Variants in NID1 observed in about 807,000 individuals in gnomAD.
NID1 encodes nidogen 1.
Under a neutral mutation model 130.6 loss-of-function variants are expected in NID1, and 76 were observed. That is an observed-to-expected ratio of 0.58 (90% CI 0.48 to 0.70). The LOEUF is 0.70. Among genes scored for constraint, NID1 ranks in the 30% least tolerant of loss-of-function variants. The probability of loss-of-function intolerance (pLI) is 0.00; values close to 1 mark genes in which losing one functional copy is unlikely to be tolerated. For missense variants in NID1, 1,517 were observed against 1,664.8 expected (o/e 0.91, Z 1.54); for synonymous variants, 665 against 675.1 (o/e 0.98, Z 0.23).
In NID1 at chr1:236,004,678, T is replaced by C. The variant is rs926516000; in HGVS notation, c.2527+7243A>G. On this transcript the variant is annotated intron_variant, in intron 12 of 19. Coordinates refer to ENST00000264187, the MANE Select transcript of NID1 (RefSeq NM_002508.3). ...TCGGGAGGCTAAGGCAGGAGAATGGTGTGAACCCGGGAGGCGGAGCTTGCA... is the reference window on the plus strand; with the variant it reads ...TCGGGAGGCTAAGGCAGGAGAATGGCGTGAACCCGGGAGGCGGAGCTTGCA... Among the ~76,000 whole-genome samples the C allele has an allele frequency of 3.5e-4, 49 of 140,198 alleles. 1 individual carries two copies. The highest frequency in any genetic ancestry group is 9.6e-4 in the African/African-American group (36 of 37,446). The allele number at this position is 140,198 out of a possible 152,430, so 92.0% of individuals were successfully genotyped here. A position where few individuals can be genotyped will look rare whatever the true frequency, so the allele number is the denominator to read the frequency against.
chr1:236,012,525 T>C (rs1658458939), intron 11 of NID1, among the ~76,000 whole-genome samples: 1 of 129,420 alleles, frequency 7.7e-6, no homozygotes, highest in Admixed American at 9.6e-5. Flanking sequence ...GCCATTGCAC[T>C]CCAGCTTGGG....
At chr1:236,029,827 AGT>A in intron 6 of NID1, 77 bp from the exon 7 acceptor site, 4 of 1,446,014 alleles carry the variant, frequency 2.8e-6, no homozygotes, top group Middle Eastern at 1.9e-4. Flanking sequence ...CACAGTGTGG[AGT>A]GGGGTTGGTG....
At chr1:236,026,347 A>G (rs921287674) in intron 7 of NID1, among the ~76,000 whole-genome samples, 4 of 152,216 alleles carry the variant, frequency 2.6e-5, no homozygotes, top group African/African-American at 9.6e-5. Context: ...GATTCCCCAT[A>G]TGATCATTGG....
At chr1:235,988,589 A>G (rs1657636281) in intron 14 of NID1, among the ~76,000 whole-genome samples, 3 of 152,352 alleles carry the variant, frequency 2.0e-5, no homozygotes, top group Non-Finnish European at 4.4e-5. Flanking sequence ...CCATGTTCAT[A>G]GCAGCATTAT....
chr1:235,991,116 C>CAT, intron 13 of NID1, 58 bp from the exon 14 acceptor site: 1 of 1,235,674 alleles, frequency 8.1e-7, no homozygotes, highest in Non-Finnish European at 1.1e-6. Context: ...CACACAGATG[C>CAT]ACACACACAC....
chr1:236,043,666 T>C lies in NID1; in HGVS notation c.753-1374A>G, dbSNP rs577080292. Among the ~76,000 whole-genome samples the C allele has an allele frequency of 3.4e-3, 521 of 152,120 alleles. 4 individuals are homozygous for C. Among genetic ancestry groups the C allele is most frequent in the Non-Finnish European group, 5.0e-3 (341 of 67,984 alleles). ...ACAAAAAATTAGCTGGGCGTGGTGGTGGGCGCCTGTAGTCCCAGCTGCTCG... is the reference window on the plus strand; with the variant it reads ...ACAAAAAATTAGCTGGGCGTGGTGGCGGGCGCCTGTAGTCCCAGCTGCTCG... On this transcript the variant is annotated intron_variant, in intron 3 of 19. Coordinates refer to ENST00000264187, the MANE Select transcript of NID1 (RefSeq NM_002508.3).
Position 236,042,282 on chromosome 1 carries a change from A to C in NID1, c.763T>G (p.Ser255Ala). 6.2e-7 allele frequency: 1 copy of C among 1,602,740 alleles called. No homozygotes were observed. The highest frequency in any genetic ancestry group is 8.5e-7 in the Non-Finnish European group (1 of 1,179,714). The change falls in exon 4 of 20, where the codon TCT becomes GCT. Residue 255 changes from serine to alanine, a missense_variant. Physicochemically the swap from Ser to Ala is moderately conservative, Grantham distance 99. Transcript: ENST00000264187. ...SVENLAKSSN[S>A]GQQGVWVFEI... ...AACACCCAGACACCCTGCTGCCCAG[A>C]GTTACTACTCCTAGGAGGAAGGACA...
rs2071529 is a variant in NID1 at position 236,064,988 on chromosome 1, C to A, written c.92G>T (p.Arg31Leu). Residue 31 changes from arginine (R) to leucine (L), a missense_variant, in exon 1 of 20, where the codon CGC becomes CTC. Physicochemically the swap from Arg to Leu is moderately radical, Grantham distance 102. Transcript: ENST00000264187. ...LLAGPVGCLS[R>L]QELFPFGPGQ... ...GGGGCCGAAGGGAAAGAGCTCCTGG[C>A]GGCTCAGGCAGCCCACAGGCCCCGC... The A allele has an allele frequency of 2.7e-3, 4,273 of 1,568,444 alleles. 182 individuals are homozygous for A. In the East Asian group the frequency reaches 0.089, roughly 33 times the overall value.
intron 4 of NID1, among the ~76,000 whole-genome samples, chr1:236,039,999 TC>T (rs1341772249): frequency 6.6e-6 from 1 of 152,168 alleles, no homozygotes; most frequent in East Asian, 1.9e-4. Context: ...CAGGAAAACA[TC>T]TGTTTTAGAC....
At chr1:236,042,357 G>A (rs1659479666) in intron 3 of NID1, 65 bp from the exon 4 acceptor site, 1 of 1,546,006 alleles carries the variant, frequency 6.5e-7, no homozygotes. Context: ...CACTACCCAA[G>A]CAGAGGGAGC....
chr1:236,032,661 G>C lies in NID1; in HGVS notation c.1286-9C>G. The stretch of plus-strand genomic sequence containing the variant: ...GACTCGCTGGGGGGAACCTGAGCAA[G>C]AAAACAAAGAAAGAATATAGAGATC... On this transcript the variant is annotated splice_polypyrimidine_tract_variant and intron_variant, in intron 5 of 19. Coordinates refer to ENST00000264187, the MANE Select transcript of NID1 (RefSeq NM_002508.3). The C allele has an allele frequency of 2.5e-6, 4 of 1,613,470 alleles. No individual in the cohort carries two copies. The highest frequency in any genetic ancestry group is 1.3e-5 in the African/African-American group (1 of 74,986).
chr1:236,005,231 C>G (rs562645464), intron 12 of NID1, among the ~76,000 whole-genome samples: 1 of 150,666 alleles, frequency 6.6e-6, no homozygotes, highest in Admixed American at 6.6e-5. Context: ...CAGATATAGG[C>G]GGGGGGTGGG....
chr1:236,033,438 G>C (rs1347800320), intron 5 of NID1, among the ~76,000 whole-genome samples: 2 of 152,196 alleles, frequency 1.3e-5, no homozygotes, highest in African/African-American at 2.4e-5. Context: ...TAAACACTGT[G>C]AGCTCATATA....
intron 6 of NID1, among the ~76,000 whole-genome samples, chr1:236,030,715 A>C (rs185490405): frequency 1.3e-5 from 2 of 152,238 alleles, no homozygotes; most frequent in Admixed American, 6.5e-5. Context: ...TGACAACCTC[A>C]GCTTTATAGT....
intron 9 of NID1, 45 bp from the exon 10 acceptor site, chr1:236,017,318 C>A (rs1479096880): frequency 1.2e-6 from 2 of 1,601,066 alleles, no homozygotes; most frequent in Non-Finnish European, 1.7e-6. Flanking sequence ...TTTTAAAGCT[C>A]TTCAAACATT....
intron 14 of NID1, among the ~76,000 whole-genome samples, chr1:235,985,724 T>TTGTGTGTG (rs759787113): frequency 4.1e-5 from 6 of 147,590 alleles, no homozygotes; most frequent in African/African-American, 1.3e-4. Flanking sequence ...GTATAGGAAT[T>TTGTGTGTG]TGTGTGTGTG....
At chr1:235,999,628 C>T (rs75081146) in intron 12 of NID1, among the ~76,000 whole-genome samples, 1,962 of 152,152 alleles carry the variant, frequency 0.013, 41 homozygotes, top group African/African-American at 0.045. Context: ...CGTCTTCTTA[C>T]TCATCTAGTT....
chr1:235,997,627 T>C (rs2102804806), intron 12 of NID1, among the ~76,000 whole-genome samples: 1 of 147,328 alleles, frequency 6.8e-6, no homozygotes, highest in African/African-American at 2.5e-5. Flanking sequence ...TTTTTTAAAT[T>C]AGAGTCTCAC....
At chr1:235,980,696 G>T (rs1558419533) in intron 16 of NID1, 43 bp from the exon 17 acceptor site, 2 of 1,585,308 alleles carry the variant, frequency 1.3e-6, no homozygotes, top group African/African-American at 1.4e-5. Context: ...GAAATAATAA[G>T]GATGCATGAG....
Sources: allele counts gnomAD v4.1 joint callset (sites outside exome capture counted in the v4.1 genomes callset), GRCh38; gene constraint gnomAD v4.1.1; transcripts MANE v1.5; gene names NCBI Gene and HGNC (gene_info 2026-07-23, HGNC 2026-07-21).